The following SNX19 variants were observed in gnomAD, a reference collection of about 807,000 sequenced individuals.
The protein encoded by SNX19 is sorting nexin 19.
In SNX19, 60 loss-of-function variants were observed where a neutral mutation model predicts 85.2. The ratio of observed to expected loss-of-function variants is 0.70; its 90% CI spans 0.57 to 0.87. The LOEUF is 0.87. Among genes scored for constraint, SNX19 ranks in the 40% least tolerant of loss-of-function variants. The probability of loss-of-function intolerance (pLI) is 0.00; values close to 1 mark genes in which losing one functional copy is unlikely to be tolerated. For missense variants in SNX19, 1,201 were observed against 1,217.8 expected (o/e 0.99, Z 0.21); for synonymous variants, 520 against 470.0 (o/e 1.11, Z -1.38).
chr11:130,892,408 TATC>T lies in SNX19; in HGVS notation c.2573+10844_2573+10846del, dbSNP rs1200769055. ...TCTTGCCTTGCCTTTTTCACAAAGT[TATC>T]ATCAAGATGAAATAAGAAAAATAAA... On this transcript the variant is annotated intron_variant, in intron 8 of 10. Coordinates refer to ENST00000265909, the MANE Select transcript of SNX19 (RefSeq NM_014758.3). Among the ~76,000 whole-genome samples, 8 of 152,236 alleles carry T rather than the reference TATC, an allele frequency of 5.3e-5. No individual in the cohort carries two copies. The South Asian group carries it at 1.0e-3, about 20-fold the overall frequency.
At chr11:130,903,557 G>A (rs2135381055) in intron 7 of SNX19, among the ~76,000 whole-genome samples, 173 bp from the exon 8 acceptor site, 1 of 152,156 alleles carries the variant, frequency 6.6e-6, no homozygotes, top group Middle Eastern at 3.4e-3. Context: ...AGAAGGTTCA[G>A]TGACAGGCTC....
rs778170586 is a variant in SNX19 at position 130,874,174 on chromosome 11, C to G, written c.*4248G>C. Among the ~76,000 whole-genome samples the G allele has an allele frequency of 6.6e-6, 1 of 152,130 alleles. No homozygotes were observed. The highest frequency in any genetic ancestry group is 1.5e-5 in the Non-Finnish European group (1 of 68,032). On this transcript the variant is annotated 3_prime_UTR_variant, in exon 11 of 11. Transcript: ENST00000265909. Reference sequence around the variant, plus strand: ...AGTAGGTGGAACCACAGGCGAGAGCCACCATGCCCCGCTCATTTTTTATAT... The same window carrying G: ...AGTAGGTGGAACCACAGGCGAGAGCGACCATGCCCCGCTCATTTTTTATAT...
Position 130,915,062 on chromosome 11 carries a change from A to G in SNX19, c.878T>C (p.Leu293Pro), listed in dbSNP as rs778861870. The change falls in exon 1 of 11, where the codon CTG (leucine) becomes CCG (proline). Residue 293 changes from leucine (L) to proline (P), a missense_variant. This residue lies in a region of SNX19 where 791 missense variants were observed against 750.9 expected (regional missense o/e 1.05). Coordinates refer to ENST00000265909, the MANE Select transcript of SNX19 (RefSeq NM_014758.3). ...EQPSVPTSLP[L>P]IAEVEQLPEG... ...TGGAAGCTGCTCTACCTCAGCAATC[A>G]GTGGCAGAGATGTCGGCACTGAGGG... 5.6e-6 allele frequency: 9 copies of G among 1,614,098 alleles called. No individual in the cohort carries two copies. The highest frequency in any genetic ancestry group is 7.6e-6 in the Non-Finnish European group (9 of 1,180,002).
intron 8 of SNX19, among the ~76,000 whole-genome samples, chr11:130,889,469 A>G (rs1944341968): frequency 6.6e-6 from 1 of 152,170 alleles, no homozygotes; most frequent in African/African-American, 2.4e-5. Context: ...TTAGCATTTA[A>G]TAGTGTCATT....
rs896909801 is a variant in SNX19, at chr11:130,870,877, C to T, written c.*7545G>A. Among the ~76,000 whole-genome samples, 5 of 151,848 alleles carry T rather than the reference C, an allele frequency of 3.3e-5. No individual in the cohort carries two copies. The highest frequency in any genetic ancestry group is 7.4e-5 in the Non-Finnish European group (5 of 67,994). ...GACTAAAAAAGATAAAAGATATGTTCGTTGCCCTTGAAGAATTATAGTCTC... is the reference window on the plus strand; with the variant it reads ...GACTAAAAAAGATAAAAGATATGTTTGTTGCCCTTGAAGAATTATAGTCTC... On this transcript the variant is annotated 3_prime_UTR_variant, in exon 11 of 11. Transcript: ENST00000265909.
At chr11:130,892,406 G>A (rs1944561619) in intron 8 of SNX19, among the ~76,000 whole-genome samples, 1 of 151,958 alleles carries the variant, frequency 6.6e-6, no homozygotes, top group South Asian at 2.1e-4. Context: ...TTTTCACAAA[G>A]TTATCATCAA....
At chr11:130,886,444 T>C (rs546678832) in intron 8 of SNX19, among the ~76,000 whole-genome samples, 3 of 152,252 alleles carry the variant, frequency 2.0e-5, no homozygotes, top group African/African-American at 7.2e-5. Flanking sequence ...TGTCAAGAAT[T>C]AGGAGTTCCG....
intron 8 of SNX19, chr11:130,895,108 C>A: frequency 1.0e-6 from 1 of 985,328 alleles, no homozygotes; most frequent in Non-Finnish European, 1.2e-6. Flanking sequence ...AGGGCAGGCT[C>A]GGTGGGGCTT....
rs548124687 is a variant in SNX19 at position 130,905,986 on chromosome 11, C to T, written c.2410G>A (p.Val804Met). Residue 804 changes from valine to methionine, a missense_variant, in exon 7 of 11, where the codon GTG (valine) becomes ATG (methionine). Physicochemically the swap from Val to Met is conservative, Grantham distance 21 (BLOSUM62 1). Coordinates refer to ENST00000265909, the MANE Select transcript of SNX19 (RefSeq NM_014758.3). ...CTGTTGCTGGGGTCTTGGGCTGGCA[C>T]GGCTGCATCTGACACGCAACTGTCC... ...RVDSCVSDAA[V>M]PAQDPSNSDP... The T allele has an allele frequency of 3.3e-5, 54 of 1,614,226 alleles. 1 individual carries two copies. The South Asian group carries it at 4.2e-4, about 12-fold the overall frequency.
Position 130,914,552 on chromosome 11 carries a change from G to A in SNX19, c.1388C>T (p.Ala463Val), listed in dbSNP as rs1160487867. Reference sequence around the variant, plus strand: ...CCCCTCCAGCAAAGCTGTAACAGAGGCGGTAACATCTCCTTGTTCTATCTC... The same window carrying A: ...CCCCTCCAGCAAAGCTGTAACAGAGACGGTAACATCTCCTTGTTCTATCTC... ...DKEIEQGDVTASVTALLEGPE... is the reference protein window; with the variant it reads ...DKEIEQGDVTVSVTALLEGPE... Residue 463 changes from alanine to valine, a missense_variant, in exon 1 of 11, where the codon GCC becomes GTC. Around this residue, in one of 3 missense-constraint regions of SNX19, gnomAD observed 791 missense variants for 750.9 expected, o/e 1.05. Coordinates refer to ENST00000265909, the MANE Select transcript of SNX19 (RefSeq NM_014758.3). 4 of 1,613,860 alleles carry A rather than the reference G, an allele frequency of 2.5e-6. No individual in the cohort carries two copies. In the African/African-American group the frequency reaches 4.0e-5, roughly 16 times the overall value.
intron 8 of SNX19, among the ~76,000 whole-genome samples, chr11:130,886,379 G>A (rs542224436): frequency 3.4e-4 from 52 of 152,246 alleles, no homozygotes; most frequent in Middle Eastern, 3.4e-3. Context: ...AACGTACAAT[G>A]CATTTTTTAC....
intron 6 of SNX19, 101 bp from the exon 7 acceptor site, chr11:130,906,234 G>A: frequency 4.8e-6 from 6 of 1,261,486 alleles, no homozygotes; most frequent in Non-Finnish European, 6.5e-6. Context: ...TAAGTACCTT[G>A]GGTATAAAAC....
At position 130,914,788 on chromosome 11, in the gene SNX19, G is replaced by A. The variant is rs7935349; in HGVS notation, c.1152C>T (p.Thr384=). The A allele has an allele frequency of 0.012, 18,641 of 1,614,148 alleles. 877 individuals are homozygous for A. The African/African-American group carries it at 0.14, about 12-fold the overall frequency. ...ESPLSELGKE[T]IMLMTPGSFL... ...AGCTGCCTGGAGTCATGAGCATGAT[G>A]GTTTCTTTGCCCAGTTCAGACAGCG... Residue 384 remains threonine, a synonymous_variant, in exon 1 of 11, where the codon ACC becomes ACT. Transcript: ENST00000265909.
chr11:130,880,536 A>G, intron 9 of SNX19, 86 bp downstream of exon 9: 2 of 1,264,604 alleles, frequency 1.6e-6, no homozygotes, highest in African/African-American at 1.5e-5. Context: ...CCCTTTTACA[A>G]ACAGGAAAAG....
At position 130,867,718 on chromosome 11, in the gene SNX19, G is replaced by A. The variant is rs553465051; in HGVS notation, c.*10704C>T. 11 of 152,250 alleles carry A rather than the reference G, an allele frequency of 7.2e-5. No individual in the cohort carries two copies. The highest frequency in any genetic ancestry group is 1.7e-4 in the African/African-American group (7 of 41,534). The allele number at this position is 152,250 out of a possible 1,614,324, so 9.4% of individuals were successfully genotyped here. On this transcript the variant is annotated 3_prime_UTR_variant, in exon 11 of 11. Coordinates refer to ENST00000265909, the MANE Select transcript of SNX19 (RefSeq NM_014758.3). ...TAGGACAAACATGGAGACCATCATC[G>A]TTGTTCCGGAATCTGGCCATGTGCT...
intron 8 of SNX19, among the ~76,000 whole-genome samples, chr11:130,898,130 G>C (rs1945005309): frequency 6.7e-6 from 1 of 149,440 alleles, no homozygotes; most frequent in Non-Finnish European, 1.5e-5. Context: ...AGAAGGAGGG[G>C]TTATGAGGTC....
chr11:130,897,033 G>A (rs978995576), intron 8 of SNX19, among the ~76,000 whole-genome samples: 6 of 152,038 alleles, frequency 3.9e-5, no homozygotes, highest in African/African-American at 7.2e-5. Flanking sequence ...GGAGGTGGAC[G>A]TTGCGCCTTG....
intron 8 of SNX19, among the ~76,000 whole-genome samples, chr11:130,894,079 A>G (rs1297642408): frequency 6.6e-6 from 1 of 151,986 alleles, no homozygotes; most frequent in Admixed American, 6.6e-5. Flanking sequence ...TAACAGGTTG[A>G]TAAGATTCCT....
intron 8 of SNX19, among the ~76,000 whole-genome samples, chr11:130,885,346 C>A (rs1344839635): frequency 6.6e-6 from 1 of 152,144 alleles, no homozygotes; most frequent in African/African-American, 2.4e-5. Context: ...GAAATAGCCG[C>A]AGATAGGGGA....
Sources: gnomAD v4.1 joint callset for allele counts (sites outside exome capture counted in the v4.1 genomes callset) on GRCh38, gnomAD v4.1.1 for gene constraint, gnomAD v4.1.1 regional missense constraint, MANE v1.5 for transcripts, NCBI Gene and HGNC (gene_info 2026-07-23, HGNC 2026-07-21) for gene names.